Variants in HECW2 observed in about 807,000 individuals in gnomAD.
HECW2 encodes the protein HECT, C2 and WW domain containing E3 ubiquitin protein ligase 2.
A neutral mutation model predicts 175.2 loss-of-function variants in HECW2; 61 were observed. The observed-to-expected ratio is 0.35, with a 90% confidence interval of 0.28 to 0.43. The LOEUF (loss-of-function observed/expected upper bound fraction) is 0.43, where lower values mean the gene tolerates loss of function less well. Among genes scored for constraint, HECW2 ranks in the 20% least tolerant of loss-of-function variants. The pLI is 1.00. For synonymous variants in HECW2, 671 were observed against 731.0 expected (o/e 0.92, Z 1.32); for missense variants, 1,524 against 2,000.5 (o/e 0.76, Z 4.54).
At chr2:196,363,310 A>C (rs992513681) in intron 2 of HECW2, among the ~76,000 whole-genome samples, 2 of 152,156 alleles carry the variant, frequency 1.3e-5, no homozygotes, top group African/African-American at 4.8e-5. Flanking sequence ...TCTAAGAATA[A>C]GGTCAGTAGT....
chr2:196,509,835 A>G (rs1241166927), intron 1 of HECW2, among the ~76,000 whole-genome samples: 1 of 152,236 alleles, frequency 6.6e-6, no homozygotes, highest in Non-Finnish European at 1.5e-5. Flanking sequence ...CAATCCTGCC[A>G]GGTTCCAAAA....
chr2:196,253,565 A>G (rs1308154022), intron 19 of HECW2, among the ~76,000 whole-genome samples: 1 of 152,244 alleles, frequency 6.6e-6, no homozygotes, highest in Admixed American at 6.5e-5. Flanking sequence ...ATTTCTTGAG[A>G]GTAGAGACTT....
intron 1 of HECW2, among the ~76,000 whole-genome samples, chr2:196,468,285 G>A (rs560597412): frequency 2.6e-5 from 4 of 152,300 alleles, no homozygotes; most frequent in South Asian, 4.1e-4. Context: ...ATCAGCTACC[G>A]TGCCCAGCTG....
chr2:196,491,612 ATGT>A lies in HECW2; in HGVS notation c.-35-58157_-35-58155del, dbSNP rs573327379. Among the ~76,000 whole-genome samples the A allele has an allele frequency of 4.0e-3, 605 of 151,722 alleles. 6 individuals carry two copies. The highest frequency in any genetic ancestry group is 0.013 in the African/African-American group (556 of 41,436). ...TGTGTATATATACATATATATTAGA[ATGT>A]TAACATTTAAAATTAAAAAACAGAA... On this transcript the variant is annotated intron_variant, in intron 1 of 28. Transcript: ENST00000644978.
intron 17 of HECW2, chr2:196,263,301 A>G (rs1689381606): frequency 6.6e-6 from 1 of 152,218 alleles, no homozygotes; most frequent in African/African-American, 2.4e-5. Flanking sequence ...CAACTCTACT[A>G]GATCATTTGA....
intron 21 of HECW2, among the ~76,000 whole-genome samples, chr2:196,231,114 A>AAAAG (rs1688040469): frequency 6.6e-6 from 1 of 151,246 alleles, no homozygotes; most frequent in East Asian, 1.9e-4. Context: ...AAAAAAAAAA[A>AAAAG]AAGGCCTTAA....
chr2:196,253,168 A>G (rs946780571), intron 19 of HECW2, among the ~76,000 whole-genome samples: 34 of 152,362 alleles, frequency 2.2e-4, no homozygotes, highest in African/African-American at 8.2e-4. Flanking sequence ...GTTATATACC[A>G]AAGAACATAC....
At chr2:196,572,004 T>C (rs976064063) in intron 1 of HECW2, among the ~76,000 whole-genome samples, 1 of 152,184 alleles carries the variant, frequency 6.6e-6, no homozygotes, top group Admixed American at 6.5e-5. Flanking sequence ...TTGAGGGCAT[T>C]ATGTTAAGTG....
intron 1 of HECW2, among the ~76,000 whole-genome samples, chr2:196,439,312 A>C (rs1695972500): frequency 6.6e-6 from 1 of 152,208 alleles, no homozygotes; most frequent in Admixed American, 6.5e-5. Context: ...GAAGACAGTG[A>C]ACAGAAAGCA....
At chr2:196,381,843 C>T (rs1012104491) in intron 2 of HECW2, among the ~76,000 whole-genome samples, 7 of 151,968 alleles carry the variant, frequency 4.6e-5, no homozygotes, top group South Asian at 2.1e-4. Flanking sequence ...TAAAATTAAA[C>T]GTAATATTAA....
intron 14 of HECW2, among the ~76,000 whole-genome samples, chr2:196,285,946 T>C (rs1690371384): frequency 6.6e-6 from 1 of 152,174 alleles, no homozygotes; most frequent in Admixed American, 6.5e-5. Context: ...AGTCGGTTAG[T>C]AGATGTGGAC....
At chr2:196,515,488 C>T (rs981721129) in intron 1 of HECW2, among the ~76,000 whole-genome samples, 21 of 152,130 alleles carry the variant, frequency 1.4e-4, no homozygotes, top group African/African-American at 5.1e-4. Flanking sequence ...TTTGGCTTGG[C>T]GAGCACATCA....
chr2:196,224,906 A>C (rs535424149), intron 23 of HECW2, among the ~76,000 whole-genome samples: 61 of 152,288 alleles, frequency 4.0e-4, no homozygotes, highest in Non-Finnish European at 6.5e-4. Context: ...ACTGAAAGAG[A>C]AGAAGGCAAA....
intron 1 of HECW2, among the ~76,000 whole-genome samples, chr2:196,448,849 C>T (rs2125303691): frequency 1.3e-5 from 2 of 152,330 alleles, no homozygotes; most frequent in Middle Eastern, 6.8e-3. Flanking sequence ...AGCTCTGCTG[C>T]TAGGAACCCT....
chr2:196,302,725 T>C (rs1394997464), intron 13 of HECW2, among the ~76,000 whole-genome samples: 1 of 152,178 alleles, frequency 6.6e-6, no homozygotes, highest in African/African-American at 2.4e-5. Flanking sequence ...TGCTTGCCTG[T>C]TGTTGGTGTA....
intron 12 of HECW2, among the ~76,000 whole-genome samples, 189 bp from the exon 13 acceptor site, chr2:196,306,801 A>C (rs977577877): frequency 6.6e-6 from 1 of 152,092 alleles, no homozygotes; most frequent in South Asian, 2.1e-4. Context: ...AATTACACTA[A>C]AATTCAGTTA....
At chr2:196,367,933 C>CAT (rs1185658144) in intron 2 of HECW2, among the ~76,000 whole-genome samples, 3 of 148,848 alleles carry the variant, frequency 2.0e-5, no homozygotes, top group Non-Finnish European at 4.4e-5. Context: ...TACATAGATA[C>CAT]ATATATATAT....
chr2:196,321,486 T>C (rs1691940211), intron 7 of HECW2, among the ~76,000 whole-genome samples: 1 of 148,894 alleles, frequency 6.7e-6, no homozygotes, highest in African/African-American at 2.5e-5. Flanking sequence ...AACCTCCACC[T>C]CCCGGGTTCA....
intron 23 of HECW2, among the ~76,000 whole-genome samples, chr2:196,222,955 A>G (rs138926653): frequency 2.0e-5 from 3 of 152,180 alleles, no homozygotes; most frequent in African/African-American, 7.2e-5. Flanking sequence ...AATTGTAGAG[A>G]AAGAATCGAC....
Sources: gnomAD v4.1 joint callset for allele counts (sites outside exome capture counted in the v4.1 genomes callset) on GRCh38, gnomAD v4.1.1 for gene constraint, MANE v1.5 for transcripts, NCBI Gene and HGNC (gene_info 2026-07-23, HGNC 2026-07-21) for gene names.